VAPA: variants seen among roughly 807,000 people sequenced by gnomAD.
The protein encoded by VAPA is VAMP associated protein A, also known as vesicle-associated membrane protein-associated protein A.
VAPA carries 6 observed loss-of-function variants against 25.6 expected under a neutral mutation model. The observed-to-expected ratio is 0.23, with a 90% confidence interval of 0.13 to 0.46. VAPA has a LOEUF of 0.46. VAPA is among the 20% of genes least tolerant of loss of function. The pLI, the probability that VAPA is intolerant of heterozygous loss-of-function variation, is 0.99. For synonymous variants in VAPA, 112 were observed against 106.2 expected (o/e 1.05, Z -0.34); for missense variants, 244 against 302.1 (o/e 0.81, Z 1.43).
chr18:9,945,728 G>A (rs1158787591), intron 4 of VAPA, among the ~76,000 whole-genome samples: 1 of 152,044 alleles, frequency 6.6e-6, no homozygotes, highest in East Asian at 1.9e-4. Flanking sequence ...GCATACTAAG[G>A]CTTTAAAAAA....
chr18:9,938,914 C>T (rs2069337923), intron 4 of VAPA, among the ~76,000 whole-genome samples: 2 of 152,206 alleles, frequency 1.3e-5, no homozygotes, highest in East Asian at 1.9e-4. Flanking sequence ...TGTTAATTCT[C>T]ATCTTAGGTA....
intron 5 of VAPA, among the ~76,000 whole-genome samples, chr18:9,952,433 G>C (rs949774081): frequency 6.6e-6 from 1 of 152,050 alleles, no homozygotes; most frequent in Non-Finnish European, 1.5e-5. Flanking sequence ...CGGGTGTGGT[G>C]GTGGGTGCCT....
At chr18:9,928,312 T>G (rs1420838875) in intron 1 of VAPA, among the ~76,000 whole-genome samples, 1 of 152,152 alleles carries the variant, frequency 6.6e-6, no homozygotes, top group African/African-American at 2.4e-5. Flanking sequence ...TTTTATTGTT[T>G]TTCGTAAATA....
At chr18:9,952,382 C>T (rs762398300) in intron 5 of VAPA, among the ~76,000 whole-genome samples, 3 of 151,930 alleles carry the variant, frequency 2.0e-5, no homozygotes, top group Non-Finnish European at 2.9e-5. Flanking sequence ...GCCTGGCCAA[C>T]GTGGTGAAAC....
At chr18:9,945,186 A>C in intron 4 of VAPA, 1 of 1,102,486 alleles carries the variant, frequency 9.1e-7, no homozygotes, top group South Asian at 1.8e-5. Context: ...ACTATGCCTA[A>C]AATTACAATA....
rs1354858415 is a variant in VAPA, at chr18:9,956,711, T to G, written c.*2500T>G. 6.6e-6 allele frequency: 1 copy of G among 152,620 alleles called. No homozygotes were observed. Among genetic ancestry groups the G allele is most frequent in the East Asian group, 1.9e-4 (1 of 5,198 alleles). 9.5% of individuals were successfully genotyped at this position (152,620 alleles called of 1,614,324 possible). On this transcript the variant is annotated 3_prime_UTR_variant, in exon 6 of 6. Coordinates refer to ENST00000400000, the MANE Select transcript of VAPA (RefSeq NM_194434.3). ...GACTGATAATATGATAATATAGAGATTAAATTGTTTGTCTTCATTCCTTAT... is the reference window on the plus strand; with the variant it reads ...GACTGATAATATGATAATATAGAGAGTAAATTGTTTGTCTTCATTCCTTAT...
chr18:9,939,238 C>T (rs981773593), intron 4 of VAPA, among the ~76,000 whole-genome samples: 2 of 148,646 alleles, frequency 1.3e-5, no homozygotes, highest in African/African-American at 2.5e-5. Flanking sequence ...GTGGCACGAT[C>T]TTGGCTCACT....
intron 1 of VAPA, among the ~76,000 whole-genome samples, chr18:9,918,995 G>T (rs966294042): frequency 3.9e-5 from 6 of 152,044 alleles, no homozygotes; most frequent in Admixed American, 2.6e-4. Context: ...TGACCTCCTG[G>T]GCTCAAGTGA....
At position 9,959,736 on chromosome 18, in the gene VAPA, A is replaced by G. The variant is rs1434557694; in HGVS notation, c.*5525A>G. On this transcript the variant is annotated 3_prime_UTR_variant, in exon 6 of 6. Coordinates refer to ENST00000400000, the MANE Select transcript of VAPA (RefSeq NM_194434.3). ...GACATTGTTCCAAAAAAAAAAAAAA[A>G]AAAAAAAAAAATGTGGAGGGTTGAA... 6.6e-6 allele frequency: 1 copy of G among 151,018 alleles called. No homozygotes were observed. Among genetic ancestry groups the G allele is most frequent in the Non-Finnish European group, 1.5e-5 (1 of 67,714 alleles). 9.4% of individuals were successfully genotyped at this position (151,018 alleles called of 1,614,324 possible).
Position 9,936,193 on chromosome 18 carries a change from A to T in VAPA, c.316A>T (p.Thr106Ser), listed in dbSNP as rs746485751. Residue 106 changes from threonine to serine, a missense_variant, in exon 3 of 6, where the codon ACT becomes TCT. By Grantham distance (58) the Thr-to-Ser change is moderately conservative. This residue lies in a region of VAPA where 99 missense variants were observed against 161.6 expected (regional missense o/e 0.61). Transcript: ENST00000400000. ...MVQTIFAPPN[T>S]SDMEAVWKEA... is the part of the protein sequence containing the mutation. ...ACAGACAATTTTTGCTCCACCAAAC[A>T]CTTCAGATATGGAAGCTGTGGTAAG... The T allele has an allele frequency of 3.1e-6, 5 of 1,601,910 alleles. No homozygotes were observed. Among genetic ancestry groups the T allele is most frequent in the Middle Eastern group, 1.7e-4 (1 of 6,022 alleles).
At chr18:9,936,946 A>G in intron 3 of VAPA, 40 bp from the exon 4 acceptor site, 1 of 1,571,528 alleles carries the variant, frequency 6.4e-7, no homozygotes, top group Non-Finnish European at 8.8e-7. Flanking sequence ...TACCATGATC[A>G]TACCTCCTAT....
chr18:9,927,003 TAA>T (rs1365097814), intron 1 of VAPA, among the ~76,000 whole-genome samples: 1 of 152,136 alleles, frequency 6.6e-6, no homozygotes, highest in Non-Finnish European at 1.5e-5. Flanking sequence ...TGTTTATTCT[TAA>T]GTTACATTTT....
At chr18:9,922,392 G>A (rs987813715) in intron 1 of VAPA, among the ~76,000 whole-genome samples, 1 of 152,076 alleles carries the variant, frequency 6.6e-6, no homozygotes, top group African/African-American at 2.4e-5. Context: ...CTGTTAACAC[G>A]TAATAACATT....
At chr18:9,951,625 G>T (rs1056282841) in intron 5 of VAPA, among the ~76,000 whole-genome samples, 1 of 152,200 alleles carries the variant, frequency 6.6e-6, no homozygotes, top group African/African-American at 2.4e-5. Flanking sequence ...GTAATTACTT[G>T]TTTCAAGACC....
intron 1 of VAPA, among the ~76,000 whole-genome samples, chr18:9,919,244 A>C (rs1019126818): frequency 1.4e-4 from 22 of 152,204 alleles, no homozygotes; most frequent in African/African-American, 5.3e-4. Flanking sequence ...CATATCTAAT[A>C]ATTAAAATCT....
intron 4 of VAPA, among the ~76,000 whole-genome samples, chr18:9,941,095 G>A (rs2069362525): frequency 6.6e-6 from 1 of 151,478 alleles, no homozygotes; most frequent in South Asian, 2.1e-4. Context: ...AAAACGTAAC[G>A]GTAAAGAAAT....
In VAPA at chr18:9,931,937, C is replaced by T; in HGVS notation, c.207C>T (p.Asp69=). 6.2e-7 allele frequency: 1 copy of T among 1,606,920 alleles called. No individual in the cohort carries two copies. Among genetic ancestry groups the T allele is most frequent in the South Asian group, 1.1e-5 (1 of 89,682 alleles). The part of the protein sequence containing the change: ...YCVRPNSGII[D]PGSTVTVSVM... The stretch of plus-strand genomic sequence containing the variant: ...TGAGGCCCAACAGTGGAATTATTGA[C>T]CCAGGGTCAACTGTGACTGTTTCAG... The change falls in exon 2 of 6, where the codon GAC becomes GAT. Residue 69 remains aspartate (D), a synonymous_variant. Coordinates refer to ENST00000400000, the MANE Select transcript of VAPA (RefSeq NM_194434.3).
chr18:9,938,484 C>G (rs909976214), intron 4 of VAPA, among the ~76,000 whole-genome samples: 5 of 152,312 alleles, frequency 3.3e-5, no homozygotes, highest in Middle Eastern at 3.4e-3. Flanking sequence ...ACCTATTGGT[C>G]TAGCCCATAG....
At position 9,954,095 on chromosome 18, in the gene VAPA, C is replaced by A; in HGVS notation, c.634C>A (p.Pro212Thr). The A allele has an allele frequency of 6.2e-7, 1 of 1,614,038 alleles. No individual in the cohort carries two copies. ...CAGAAAGGTAGCACATTCGGATAAA[C>A]CTGGATCAACCTCAACTGCATCCTT... is the stretch of plus-strand genomic sequence containing the variant. ...RLRKVAHSDK[P>T]GSTSTASFRD... The change falls in exon 6 of 6, where the codon CCT becomes ACT. Residue 212 changes from proline (P) to threonine (T), a missense_variant. Pro to Thr is a conservative substitution (Grantham distance 38). Coordinates refer to ENST00000400000, the MANE Select transcript of VAPA (RefSeq NM_194434.3).
Sources: gnomAD v4.1 joint callset for allele counts (sites outside exome capture counted in the v4.1 genomes callset) on GRCh38, gnomAD v4.1.1 for gene constraint, gnomAD v4.1.1 regional missense constraint, MANE v1.5 for transcripts, NCBI Gene and HGNC (gene_info 2026-07-23, HGNC 2026-07-21) for gene names.